ZNRF1: variants seen among roughly 807,000 people sequenced by gnomAD.
ZNRF1 encodes the protein E3 ubiquitin-protein ligase ZNRF1.
Under a neutral mutation model 18.4 loss-of-function variants are expected in ZNRF1, and 3 were observed. The ratio of observed to expected loss-of-function variants is 0.16; its 90% CI spans 0.07 to 0.42. The LOEUF is 0.42. Ranked by LOEUF, ZNRF1 falls within the 10% of genes least tolerant of loss-of-function variation. The pLI, the probability that ZNRF1 is intolerant of heterozygous loss-of-function variation, is 0.99. For synonymous variants in ZNRF1, 157 were observed against 144.2 expected (o/e 1.09, Z -0.64); for missense variants, 310 against 329.8 (o/e 0.94, Z 0.47).
intron 1 of ZNRF1, among the ~76,000 whole-genome samples, chr16:75,021,755 C>T (rs2035151954): frequency 6.6e-6 from 1 of 152,152 alleles, no homozygotes; most frequent in Non-Finnish European, 1.5e-5. Context: ...CTTGTCTTTA[C>T]TCATGGTGCT....
At chr16:75,069,833 T>C (rs2035849231) in intron 1 of ZNRF1, among the ~76,000 whole-genome samples, 1 of 152,170 alleles carries the variant, frequency 6.6e-6, no homozygotes, top group Non-Finnish European at 1.5e-5. Flanking sequence ...TTTCTCACAT[T>C]CCTAGAACTT....
intron 1 of ZNRF1, among the ~76,000 whole-genome samples, chr16:75,046,300 G>A (rs2035514250): frequency 6.8e-6 from 1 of 147,474 alleles, no homozygotes; most frequent in Admixed American, 6.8e-5. Flanking sequence ...CACCCAGGCT[G>A]AAGTGCAGTG....
intron 1 of ZNRF1, among the ~76,000 whole-genome samples, chr16:75,062,522 C>A (rs1263137268): frequency 6.6e-6 from 1 of 152,254 alleles, no homozygotes; most frequent in Non-Finnish European, 1.5e-5. Flanking sequence ...GCTTTGGCCG[C>A]ATGCCCCCGA....
At chr16:75,042,017 T>C (rs1390207631) in intron 1 of ZNRF1, among the ~76,000 whole-genome samples, 2 of 152,090 alleles carry the variant, frequency 1.3e-5, no homozygotes, top group South Asian at 2.1e-4. Flanking sequence ...GACTTAATTA[T>C]TTTAATAGAG....
At chr16:75,008,269 A>G (rs556891025) in intron 1 of ZNRF1, among the ~76,000 whole-genome samples, 76 of 152,264 alleles carry the variant, frequency 5.0e-4, no homozygotes, top group African/African-American at 1.8e-3. Flanking sequence ...ATTGTTGGCT[A>G]TTTGATGGTT....
chr16:75,080,590 T>C (rs2035997772), intron 1 of ZNRF1, among the ~76,000 whole-genome samples: 1 of 152,186 alleles, frequency 6.6e-6, no homozygotes, highest in Admixed American at 6.5e-5. Context: ...AAAGTTTCCT[T>C]CATTGTCCTT....
chr16:75,026,320 G>C (rs150392428), intron 1 of ZNRF1, among the ~76,000 whole-genome samples: 1 of 151,930 alleles, frequency 6.6e-6, no homozygotes, highest in Non-Finnish European at 1.5e-5. Flanking sequence ...AAGAGTAAAA[G>C]TACTGGCATA....
chr16:75,016,926 A>C (rs1425571940), intron 1 of ZNRF1, among the ~76,000 whole-genome samples: 28 of 152,144 alleles, frequency 1.8e-4, no homozygotes, highest in Admixed American at 1.8e-3. Flanking sequence ...AATCTTTCTA[A>C]GGGACAAATA....
At position 75,107,760 on chromosome 16, in the gene ZNRF1, A is replaced by T. The variant is rs1443757703; in HGVS notation, c.*60A>T. 2 of 456,324 alleles carry T rather than the reference A, an allele frequency of 4.4e-6. No individual in the cohort carries two copies. Among genetic ancestry groups the T allele is most frequent in the African/African-American group, 4.0e-5 (2 of 50,054 alleles). The allele number at this position is 456,324 out of a possible 1,614,324, so 28.3% of individuals were successfully genotyped here. On this transcript the variant is annotated 3_prime_UTR_variant, in exon 5 of 5. Coordinates refer to ENST00000335325, the MANE Select transcript of ZNRF1 (RefSeq NM_032268.5). Reference sequence around the variant, plus strand: ...ACAGAGCGCCCCTGCTCCAGGGAGGAGGCTCACCGGACCCTGGGGCAGAGC... The same window carrying T: ...ACAGAGCGCCCCTGCTCCAGGGAGGTGGCTCACCGGACCCTGGGGCAGAGC...
chr16:75,032,664 G>A (rs1013469430), intron 1 of ZNRF1, among the ~76,000 whole-genome samples: 3 of 152,132 alleles, frequency 2.0e-5, no homozygotes, highest in African/African-American at 7.2e-5. Flanking sequence ...TAAGGAATTA[G>A]TATATCTAAA....
intron 1 of ZNRF1, among the ~76,000 whole-genome samples, chr16:75,042,107 T>C (rs1304978185): frequency 2.6e-5 from 4 of 152,206 alleles, no homozygotes; most frequent in Non-Finnish European, 4.4e-5. Context: ...TTGAGTTGTT[T>C]GTCAGTGAGT....
intron 1 of ZNRF1, among the ~76,000 whole-genome samples, chr16:75,034,169 A>T (rs1431880877): frequency 6.6e-6 from 1 of 152,168 alleles, no homozygotes; most frequent in Non-Finnish European, 1.5e-5. Flanking sequence ...AAACAAAAAC[A>T]AAAAATTACC....
chr16:75,044,163 A>G (rs2035485269), intron 1 of ZNRF1, among the ~76,000 whole-genome samples: 4 of 151,444 alleles, frequency 2.6e-5, no homozygotes, highest in Admixed American at 2.6e-4. Context: ...AAACTTTGGA[A>G]TTTCTTAGAG....
chr16:75,057,224 C>A (rs2035680340), intron 1 of ZNRF1, among the ~76,000 whole-genome samples: 1 of 152,144 alleles, frequency 6.6e-6, no homozygotes, highest in Non-Finnish European at 1.5e-5. Context: ...TTGTAGTTCA[C>A]GTGCTTGTTT....
At chr16:75,013,905 C>T (rs1179120704) in intron 1 of ZNRF1, among the ~76,000 whole-genome samples, 2 of 151,940 alleles carry the variant, frequency 1.3e-5, no homozygotes, top group Non-Finnish European at 2.9e-5. Context: ...TTTTGGCTCA[C>T]TGCAACCTCT....
chr16:75,094,261 C>T (rs898011050), intron 2 of ZNRF1, among the ~76,000 whole-genome samples: 6 of 152,218 alleles, frequency 3.9e-5, no homozygotes, highest in Admixed American at 6.5e-5. Context: ...CACCTTGCTG[C>T]TCCACCCTGG....
intron 1 of ZNRF1, among the ~76,000 whole-genome samples, chr16:75,039,986 A>C (rs1431223785): frequency 6.7e-6 from 1 of 150,276 alleles, no homozygotes; most frequent in Non-Finnish European, 1.5e-5. Flanking sequence ...AATGAGATTT[A>C]GTAAATATAT....
intron 1 of ZNRF1, among the ~76,000 whole-genome samples, chr16:75,017,380 A>T (rs574569559): frequency 6.6e-6 from 1 of 152,346 alleles, no homozygotes; most frequent in East Asian, 1.9e-4. Flanking sequence ...TTTTATTTAC[A>T]TTTAAAATTT....
intron 1 of ZNRF1, among the ~76,000 whole-genome samples, chr16:75,082,031 T>C (rs2036018386): frequency 6.6e-6 from 1 of 152,218 alleles, no homozygotes; most frequent in Admixed American, 6.5e-5. Flanking sequence ...CTCATGCTGA[T>C]GTTTTCAGCT....
Sources: allele counts gnomAD v4.1 joint callset (sites outside exome capture counted in the v4.1 genomes callset), GRCh38; gene constraint gnomAD v4.1.1; transcripts MANE v1.5; gene names NCBI Gene and HGNC (gene_info 2026-07-23, HGNC 2026-07-21).